SLC36A4: variants seen among roughly 807,000 people sequenced by gnomAD.
The protein encoded by SLC36A4 is neutral amino acid uniporter 4.
In SLC36A4, 49 loss-of-function variants were observed where a neutral mutation model predicts 50.5. That is an observed-to-expected ratio of 0.97 (90% CI 0.77 to 1.23). SLC36A4 has a LOEUF of 1.23. Ranked by LOEUF, SLC36A4 falls within the 50% of genes most tolerant of loss-of-function variation. The pLI, the probability that SLC36A4 is intolerant of heterozygous loss-of-function variation, is 0.00. For synonymous variants in SLC36A4, 207 were observed against 206.5 expected (o/e 1.00, Z -0.02); for missense variants, 611 against 608.4 (o/e 1.00, Z -0.05).
intron 10 of SLC36A4, among the ~76,000 whole-genome samples, chr11:93,150,643 G>A (rs1048954997): frequency 2.0e-5 from 3 of 151,994 alleles, no homozygotes; most frequent in Admixed American, 6.6e-5. Context: ...TAAAGACCTC[G>A]AAAGTAGAAA....
intron 6 of SLC36A4, chr11:93,180,452 C>A (rs551005474): frequency 2.1e-5 from 8 of 375,036 alleles, no homozygotes; most frequent in Non-Finnish European, 2.9e-5. Flanking sequence ...CTGGCTAAAG[C>A]CTTATATAGT....
chr11:93,197,568 T>C, intron 1 of SLC36A4: 1 of 578,508 alleles, frequency 1.7e-6, no homozygotes, highest in Admixed American at 3.3e-5. Flanking sequence ...ACACACATAT[T>C]TTAACGCCCT....
intron 9 of SLC36A4, among the ~76,000 whole-genome samples, chr11:93,157,854 C>T (rs936301535): frequency 1.3e-5 from 2 of 152,104 alleles, no homozygotes; most frequent in African/African-American, 4.8e-5. Flanking sequence ...TATTTGGATG[C>T]CCTTTGTTTC....
At chr11:93,167,377 C>A (rs1485237465) in intron 7 of SLC36A4, 1 of 151,994 alleles carries the variant, frequency 6.6e-6, no homozygotes, top group Non-Finnish European at 1.5e-5. Flanking sequence ...ATCTTGCAAA[C>A]TATTTTAAGG....
chr11:93,169,158 T>C (rs1338430071), intron 6 of SLC36A4, among the ~76,000 whole-genome samples: 1 of 152,142 alleles, frequency 6.6e-6, no homozygotes, highest in Non-Finnish European at 1.5e-5. Context: ...GTTTTTTGAG[T>C]AATTTCTTTG....
rs1859832491 is a variant in SLC36A4, at chr11:93,145,648, C to T, written c.*2889G>A. On this transcript the variant is annotated 3_prime_UTR_variant, in exon 11 of 11. Transcript: ENST00000326402. The stretch of plus-strand genomic sequence containing the variant: ...TTTCCCCTCAGTAGCAGAAAAGTCT[C>T]TCAGGCAACTGATTAACTTTCAGGG... 6.6e-6 allele frequency: 1 copy of T among 152,050 alleles called. No individual in the cohort carries two copies. The highest frequency in any genetic ancestry group is 1.5e-5 in the Non-Finnish European group (1 of 67,994). 9.4% of individuals were successfully genotyped at this position (152,050 alleles called of 1,614,324 possible).
chr11:93,184,897 C>T (rs1861914200), intron 2 of SLC36A4, among the ~76,000 whole-genome samples: 1 of 152,076 alleles, frequency 6.6e-6, no homozygotes, highest in African/African-American at 2.4e-5. Flanking sequence ...ATTTTCAAAG[C>T]AATGTTGAGT....
At chr11:93,173,898 T>C (rs1237185289) in intron 6 of SLC36A4, among the ~76,000 whole-genome samples, 1 of 140,068 alleles carries the variant, frequency 7.1e-6, no homozygotes, top group East Asian at 2.1e-4. Flanking sequence ...CCAGCTTAGT[T>C]CTTTTGGCTT....
At chr11:93,152,262 A>C (rs1341864167) in intron 10 of SLC36A4, 2 of 152,116 alleles carry the variant, frequency 1.3e-5, no homozygotes, top group African/African-American at 4.8e-5. Flanking sequence ...AAACATGACA[A>C]AGTCCCATCA....
intron 1 of SLC36A4, among the ~76,000 whole-genome samples, chr11:93,194,933 C>A (rs1862357534): frequency 6.6e-6 from 1 of 152,104 alleles, no homozygotes; most frequent in Non-Finnish European, 1.5e-5. Flanking sequence ...ACCAGCAAGC[C>A]TGCTATTCCT....
chr11:93,186,348 C>T (rs1178812569), intron 1 of SLC36A4, among the ~76,000 whole-genome samples: 3 of 152,118 alleles, frequency 2.0e-5, no homozygotes. Flanking sequence ...AACATTGATG[C>T]AATACTCTAT....
rs756944638 is a variant in SLC36A4, at chr11:93,196,443, G to A, written c.55+1335C>T. Among the ~76,000 whole-genome samples, 22 of 152,072 alleles carry A rather than the reference G, an allele frequency of 1.4e-4. No homozygotes were observed. In the Middle Eastern group the frequency reaches 0.01, roughly 71 times the overall value. Reference sequence around the variant, plus strand: ...GTGCAGTGGCACGATCTCGGCTCACGGCAAGCTCCGCCTCCCGGGTTCACG... The same window carrying A: ...GTGCAGTGGCACGATCTCGGCTCACAGCAAGCTCCGCCTCCCGGGTTCACG... On this transcript the variant is annotated intron_variant, in intron 1 of 10. Coordinates refer to ENST00000326402, the MANE Select transcript of SLC36A4 (RefSeq NM_152313.4).
Position 93,162,692 on chromosome 11 carries a change from T to A in SLC36A4, c.1037+14A>T. ...AATATATAAACTAATATTGACAAAT[T>A]CATATACACCTACCATACATCTTGG... On this transcript the variant is annotated intron_variant, in intron 9 of 10. Transcript: ENST00000326402. 6.3e-7 allele frequency: 1 copy of A among 1,574,834 alleles called. No individual in the cohort carries two copies. The highest frequency in any genetic ancestry group is 1.2e-5 in the South Asian group (1 of 85,878).
At chr11:93,196,721 A>T (rs1238254110) in intron 1 of SLC36A4, among the ~76,000 whole-genome samples, 1 of 152,224 alleles carries the variant, frequency 6.6e-6, no homozygotes, top group Admixed American at 6.5e-5. Flanking sequence ...CCAGCAATGC[A>T]TGAGAATACC....
At chr11:93,167,304 T>G (rs1441557018) in intron 7 of SLC36A4, 1 of 152,158 alleles carries the variant, frequency 6.6e-6, no homozygotes, top group Non-Finnish European at 1.5e-5. Flanking sequence ...TTGACACCTT[T>G]GCAAGATGAA....
chr11:93,184,365 A>G, intron 3 of SLC36A4, 65 bp downstream of exon 3: 2 of 955,398 alleles, frequency 2.1e-6, no homozygotes, highest in Middle Eastern at 2.1e-4. Context: ...TAGGCCAGAT[A>G]TTAGGTTGCT....
At chr11:93,150,900 A>G (rs1860057703) in intron 10 of SLC36A4, among the ~76,000 whole-genome samples, 2 of 151,946 alleles carry the variant, frequency 1.3e-5, no homozygotes, top group South Asian at 4.1e-4. Context: ...TTTGGAATCC[A>G]TTTTTCTTTG....
rs1387903199 is a variant in SLC36A4, at chr11:93,197,984, G to A, written c.-152C>T. On this transcript the variant is annotated 5_prime_UTR_variant, in exon 1 of 11. Coordinates refer to ENST00000326402, the MANE Select transcript of SLC36A4 (RefSeq NM_152313.4). Reference sequence around the variant, plus strand: ...CGGCGCTCCCCAACCGCGCGGCGAGGAGCATGCGCAGTGGGACAGCCCGGC... The same window carrying A: ...CGGCGCTCCCCAACCGCGCGGCGAGAAGCATGCGCAGTGGGACAGCCCGGC... 2.6e-6 allele frequency: 2 copies of A among 782,308 alleles called. No homozygotes were observed. Among genetic ancestry groups the A allele is most frequent in the Non-Finnish European group, 3.7e-6 (2 of 544,926 alleles). The allele number at this position is 782,308 out of a possible 1,614,324, so 48.5% of individuals were successfully genotyped here. A position where few individuals can be genotyped will look rare whatever the true frequency, so the allele number is the denominator to read the frequency against.
At position 93,145,398 on chromosome 11, in the gene SLC36A4, A is replaced by C. The variant is rs1357433810; in HGVS notation, c.*3139T>G. 1 of 152,090 alleles carries C rather than the reference A, an allele frequency of 6.6e-6. No individual in the cohort carries two copies. The highest frequency in any genetic ancestry group is 1.5e-5 in the Non-Finnish European group (1 of 67,976). The allele number at this position is 152,090 out of a possible 1,614,324, so 9.4% of individuals were successfully genotyped here. The stretch of plus-strand genomic sequence containing the variant: ...AATACAGACTTGTTTTCATTTGGTA[A>C]CATCATCTAAACTGGTTTTTAACCA... On this transcript the variant is annotated 3_prime_UTR_variant, in exon 11 of 11. Transcript: ENST00000326402.
Sources: allele counts gnomAD v4.1 joint callset (sites outside exome capture counted in the v4.1 genomes callset), GRCh38; gene constraint gnomAD v4.1.1; transcripts MANE v1.5; gene names NCBI Gene and HGNC (gene_info 2026-07-23, HGNC 2026-07-21).